ACTR3B: variants seen among roughly 807,000 people sequenced by gnomAD.
The protein encoded by ACTR3B is actin-related protein 3B.
Under a neutral mutation model 59.0 loss-of-function variants are expected in ACTR3B, and 8 were observed. The observed-to-expected ratio is 0.14, with a 90% CI of 0.08 to 0.24. ACTR3B has a LOEUF of 0.24. Ranked by LOEUF, ACTR3B falls within the 10% of genes least tolerant of loss-of-function variation. The pLI is 1.00. For synonymous variants in ACTR3B, 148 were observed against 197.9 expected (o/e 0.75, Z 2.12); for missense variants, 245 against 552.3 (o/e 0.44, Z 5.58).
intron 1 of ACTR3B, among the ~76,000 whole-genome samples, chr7:152,767,921 A>AT (rs2098114879): frequency 1.3e-5 from 2 of 152,300 alleles, no homozygotes; most frequent in South Asian, 4.1e-4. Context: ...ATTTTCAGAT[A>AT]TAAAAACTTG....
intron 2 of ACTR3B, among the ~76,000 whole-genome samples, chr7:152,790,281 C>A (rs1343241516): frequency 1.3e-5 from 2 of 152,238 alleles, no homozygotes; most frequent in Non-Finnish European, 2.9e-5. Context: ...GTGTGAGCCA[C>A]CCCACCTACT....
At chr7:152,836,155 C>A (rs1206571284) in intron 9 of ACTR3B, among the ~76,000 whole-genome samples, 2 of 151,268 alleles carry the variant, frequency 1.3e-5, no homozygotes, top group African/African-American at 4.9e-5. Context: ...ACCTGAGGGG[C>A]CTTTGTCTGC....
chr7:152,841,594 A>G (rs542779964), intron 9 of ACTR3B, among the ~76,000 whole-genome samples: 4 of 152,348 alleles, frequency 2.6e-5, no homozygotes, highest in South Asian at 4.1e-4. Context: ...GCCTGGAAGT[A>G]TAGTGCATAT....
intron 9 of ACTR3B, among the ~76,000 whole-genome samples, chr7:152,829,457 A>G (rs1243727441): frequency 6.6e-6 from 1 of 152,230 alleles, no homozygotes; most frequent in Non-Finnish European, 1.5e-5. Context: ...TTTAGATGAA[A>G]GTAGCCATCA....
intron 9 of ACTR3B, among the ~76,000 whole-genome samples, chr7:152,837,194 C>CA (rs980986905): frequency 2.3e-4 from 35 of 151,658 alleles, no homozygotes; most frequent in East Asian, 5.8e-4. Context: ...ACAAACAAAC[C>CA]AAAAAAACAA....
intron 2 of ACTR3B, among the ~76,000 whole-genome samples, chr7:152,799,963 A>G (rs1318063891): frequency 6.6e-6 from 1 of 152,208 alleles, no homozygotes; most frequent in Non-Finnish European, 1.5e-5. Flanking sequence ...TGGAATTTTT[A>G]TGTAATAGTT....
chr7:152,791,864 C>T (rs2098197602), intron 2 of ACTR3B, among the ~76,000 whole-genome samples: 2 of 152,160 alleles, frequency 1.3e-5, no homozygotes, highest in African/African-American at 4.8e-5. Context: ...ACACTAAATA[C>T]TACTCAGCAG....
chr7:152,780,171 T>G (rs2098147268), intron 1 of ACTR3B, among the ~76,000 whole-genome samples: 2 of 151,964 alleles, frequency 1.3e-5, no homozygotes, highest in South Asian at 4.2e-4. Context: ...GCCAACATGG[T>G]GAAACCCCAT....
At chr7:152,803,332 G>A (rs2098242769) in intron 4 of ACTR3B, among the ~76,000 whole-genome samples, 1 of 152,230 alleles carries the variant, frequency 6.6e-6, no homozygotes, top group Non-Finnish European at 1.5e-5. Context: ...ATAGGCATGA[G>A]CCACCATACC....
intron 9 of ACTR3B, among the ~76,000 whole-genome samples, chr7:152,839,450 T>C (rs1319758200): frequency 6.8e-6 from 1 of 146,760 alleles, no homozygotes; most frequent in African/African-American, 2.6e-5. Context: ...TCAGCGTCCT[T>C]CTCGGCAGAA....
intron 2 of ACTR3B, among the ~76,000 whole-genome samples, chr7:152,792,808 A>G (rs1590269480): frequency 6.6e-6 from 1 of 152,070 alleles, no homozygotes; most frequent in Non-Finnish European, 1.5e-5. Flanking sequence ...GACTGCCTGA[A>G]CATCCCAAGC....
chr7:152,806,977 A>G (rs566079553), intron 4 of ACTR3B, among the ~76,000 whole-genome samples: 2 of 152,296 alleles, frequency 1.3e-5, no homozygotes, highest in East Asian at 1.9e-4. Context: ...GATTTTACCT[A>G]TGTGGAGAGT....
chr7:152,767,454 G>C (rs2116505584), intron 1 of ACTR3B, among the ~76,000 whole-genome samples: 1 of 152,112 alleles, frequency 6.6e-6, no homozygotes, highest in African/African-American at 2.4e-5. Flanking sequence ...TCCTTTTTAG[G>C]GCTTTCCCAT....
chr7:152,794,900 A>C (rs979495439), intron 2 of ACTR3B, among the ~76,000 whole-genome samples: 2 of 152,076 alleles, frequency 1.3e-5, no homozygotes, highest in Non-Finnish European at 2.9e-5. Flanking sequence ...TATCTTTGAG[A>C]CTTTAAATGT....
intron 10 of ACTR3B, 97 bp downstream of exon 10, chr7:152,852,348 CGT>C: frequency 1.4e-6 from 2 of 1,424,380 alleles, no homozygotes; most frequent in Non-Finnish European, 1.9e-6. Flanking sequence ...GTCTGGGCCG[CGT>C]AAAATAAAAA....
intron 2 of ACTR3B, among the ~76,000 whole-genome samples, chr7:152,795,036 C>CTTTT (rs1181143284): frequency 7.3e-6 from 1 of 137,752 alleles, no homozygotes; most frequent in African/African-American, 2.6e-5. Flanking sequence ...GTTTCACTCT[C>CTTTT]TTTTTTTTTT....
In ACTR3B at chr7:152,854,029, G is replaced by A. The variant is rs909614197; in HGVS notation, c.1162-429G>A. Among the ~76,000 whole-genome samples, 4 of 152,100 alleles carry A rather than the reference G, an allele frequency of 2.6e-5. No homozygotes were observed. The highest frequency in any genetic ancestry group is 4.4e-5 in the Non-Finnish European group (3 of 68,022). On this transcript the variant is annotated intron_variant, in intron 11 of 11. Coordinates refer to ENST00000256001, the MANE Select transcript of ACTR3B (RefSeq NM_020445.6). The surrounding 1 kb of genome is among the most constrained non-coding windows in gnomAD (Gnocchi z 4.9). ...AGGTGTGAGCCTCTGTGCCCGGCCC[G>A]ATATAAACTATATCTTAATAATCAC...
In ACTR3B at chr7:152,759,799, C is replaced by A; in HGVS notation, c.-84C>A. The stretch of plus-strand genomic sequence containing the variant: ...CTGCGGCGGCTCGCGGGAGACGCTG[C>A]GCGCGGGGCTAGCGGGCGGCGGAGC... On this transcript the variant is annotated 5_prime_UTR_variant, in exon 1 of 12. Coordinates refer to ENST00000256001, the MANE Select transcript of ACTR3B (RefSeq NM_020445.6). The A allele has an allele frequency of 7.4e-6, 8 of 1,075,194 alleles. No individual in the cohort carries two copies. The highest frequency in any genetic ancestry group is 9.2e-6 in the Non-Finnish European group (8 of 871,870). The allele number at this position is 1,075,194 out of a possible 1,614,324, so 66.6% of individuals were successfully genotyped here.
intron 2 of ACTR3B, among the ~76,000 whole-genome samples, chr7:152,796,759 G>A (rs2098217726): frequency 7.4e-6 from 1 of 135,262 alleles, no homozygotes; most frequent in African/African-American, 2.5e-5. Flanking sequence ...CTGTTACCCA[G>A]GCTGGAGTGT....
Sources: gnomAD v4.1 joint callset for allele counts (sites outside exome capture counted in the v4.1 genomes callset) on GRCh38, gnomAD v4.1.1 for gene constraint, Gnocchi (gnomAD v3.1) non-coding constraint, MANE v1.5 for transcripts, NCBI Gene and HGNC (gene_info 2026-07-23, HGNC 2026-07-21) for gene names.